Variants in GPR137B observed in about 807,000 individuals in gnomAD.
GPR137B encodes G protein-coupled receptor 137B.
Under a neutral mutation model 42.5 loss-of-function variants are expected in GPR137B, and 42 were observed. The ratio of observed to expected loss-of-function variants is 0.99; its 90% CI spans 0.77 to 1.28. The LOEUF is 1.28. Ranked by LOEUF, GPR137B falls within the 50% of genes most tolerant of loss-of-function variation. The pLI, the probability that GPR137B is intolerant of heterozygous loss-of-function variation, is 0.00. For missense variants in GPR137B, 487 were observed against 493.9 expected, an observed-to-expected ratio of 0.99 and a Z score of 0.13; for synonymous variants, 218 against 209.7, an observed-to-expected ratio of 1.04 and a Z score of -0.34.
chr1:236,207,941 G>C (rs1663709292), intron 6 of GPR137B, 109 bp from the exon 7 acceptor site: 6 of 726,966 alleles, frequency 8.3e-6, no homozygotes, highest in Non-Finnish European at 1.4e-5. Context: ...AAGAACTTTA[G>C]AGTTATCTAT....
intron 5 of GPR137B, among the ~76,000 whole-genome samples, chr1:236,193,070 T>G (rs1462358550): frequency 1.3e-5 from 2 of 151,710 alleles, no homozygotes; most frequent in Non-Finnish European, 2.9e-5. Context: ...AATTTTTGTA[T>G]TTTTAGTAGA....
In GPR137B at chr1:236,179,892, G is replaced by A. The variant is rs1185021411; in HGVS notation, c.701G>A (p.Cys234Tyr). 6.3e-7 allele frequency: 1 copy of A among 1,589,362 alleles called. No homozygotes were observed. Among genetic ancestry groups the A allele is most frequent in the East Asian group, 2.2e-5 (1 of 44,726 alleles). Residue 234 changes from cysteine to tyrosine, a missense_variant, in exon 4 of 7, where the codon TGT (cysteine) becomes TAT (tyrosine). By Grantham distance (194) the Cys-to-Tyr change is radical (BLOSUM62 -2). Coordinates refer to ENST00000366592, the MANE Select transcript of GPR137B (RefSeq NM_003272.4). ...CCTCTTTTCCAGGGCTCCTCCGTGT[G>A]TCAAGTGACTGCCATCGGTGTCACC... ...IYLESKGSSVCQVTAIGVTVI... is the reference protein window; with the variant it reads ...IYLESKGSSVYQVTAIGVTVI...
intron 3 of GPR137B, among the ~76,000 whole-genome samples, chr1:236,178,842 G>C (rs1662782173): frequency 1.1e-5 from 1 of 93,184 alleles, no homozygotes; most frequent in Non-Finnish European, 2.2e-5. Context: ...CTGTCTCCCA[G>C]GCTGGAGTGC....
At chr1:236,175,636 A>G (rs1662664791) in intron 2 of GPR137B, among the ~76,000 whole-genome samples, 1 of 152,128 alleles carries the variant, frequency 6.6e-6, no homozygotes, top group African/African-American at 2.4e-5. Context: ...CTCTCTCCAC[A>G]GCTCCTTTGG....
At chr1:236,154,724 GC>G (rs1475859369) in intron 1 of GPR137B, among the ~76,000 whole-genome samples, 1 of 152,012 alleles carries the variant, frequency 6.6e-6, no homozygotes, top group Non-Finnish European at 1.5e-5. Flanking sequence ...GTGAGGAGGG[GC>G]AAAAACAAAC....
chr1:236,143,282 T>C (rs929537654), intron 1 of GPR137B, among the ~76,000 whole-genome samples: 1 of 152,248 alleles, frequency 6.6e-6, no homozygotes, highest in Non-Finnish European at 1.5e-5. Flanking sequence ...CGCCGCTCAC[T>C]CGCTGCCCCT....
chr1:236,156,081 G>A lies in GPR137B; in HGVS notation c.415-12625G>A, dbSNP rs1197717198. On this transcript the variant is annotated intron_variant, in intron 1 of 6. Transcript: ENST00000366592. The surrounding 1 kb of genome is among the most constrained non-coding windows in gnomAD (Gnocchi z 4.8). ...CGGAGCTCTCAGGAGGGCTGGAGAAGGCTGCAAACACATCCAGGGAGCTCC... is the reference window on the plus strand; with the variant it reads ...CGGAGCTCTCAGGAGGGCTGGAGAAAGCTGCAAACACATCCAGGGAGCTCC... Among the ~76,000 whole-genome samples the A allele has an allele frequency of 6.6e-6, 1 of 152,222 alleles. No homozygotes were observed. The highest frequency in any genetic ancestry group is 2.4e-5 in the African/African-American group (1 of 41,466).
intron 1 of GPR137B, among the ~76,000 whole-genome samples, chr1:236,158,863 C>G (rs1162369680): frequency 6.6e-6 from 1 of 152,208 alleles, no homozygotes; most frequent in Non-Finnish European, 1.5e-5. Flanking sequence ...AAAATGGCTG[C>G]AGAGATTCTG....
Position 236,142,851 on chromosome 1 carries a change from T to C in GPR137B, c.229T>C (p.Tyr77His). The stretch of plus-strand genomic sequence containing the variant: ...GCGTTACCGCCACAAGCGGCTCAGC[T>C]ACCAGAGCGTCTTCCTCTTTCTCTG... ...VLRYRHKRLS[Y>H]QSVFLFLCLF... is the part of the protein sequence containing the mutation. The change falls in exon 1 of 7, where the codon TAC becomes CAC. Residue 77 changes from tyrosine to histidine, a missense_variant. Physicochemically the swap from Tyr to His is moderately conservative, Grantham distance 83 (BLOSUM62 2). Transcript: ENST00000366592. 6.2e-7 allele frequency: 1 copy of C among 1,614,194 alleles called. No homozygotes were observed. Among genetic ancestry groups the C allele is most frequent in the Non-Finnish European group, 8.5e-7 (1 of 1,180,000 alleles).
Position 236,164,520 on chromosome 1 carries a change from G to T in GPR137B, c.415-4186G>T, listed in dbSNP as rs74150308. On this transcript the variant is annotated intron_variant, in intron 1 of 6. Coordinates refer to ENST00000366592, the MANE Select transcript of GPR137B (RefSeq NM_003272.4). Reference sequence around the variant, plus strand: ...CAGAAATGGGCAGCCGGATATGAGAGCCCAGCCGGCCAGAGAGCCAGGGTG... The same window carrying T: ...CAGAAATGGGCAGCCGGATATGAGATCCCAGCCGGCCAGAGAGCCAGGGTG... 1.3e-3 allele frequency among the ~76,000 whole-genome samples: 199 copies of T among 152,318 alleles called. 1 individual carries two copies. Among genetic ancestry groups the T allele is most frequent in the African/African-American group, 4.7e-3 (194 of 41,578 alleles).
chr1:236,183,889 A>C lies in GPR137B; in HGVS notation c.949A>C (p.Asn317His), dbSNP rs147232381. ...AGTCGTTTATTTCTTCCGAGTTAGAAATCCTACAAAGGACCTTGTAAGTAA... is the reference window on the plus strand; with the variant it reads ...AGTCGTTTATTTCTTCCGAGTTAGACATCCTACAAAGGACCTTGTAAGTAA... ...TLVVYFFRVR[N>H]PTKDLTNPGM... Residue 317 changes from asparagine to histidine, a missense_variant, in exon 5 of 7, where the codon AAT (asparagine) becomes CAT (histidine). Coordinates refer to ENST00000366592, the MANE Select transcript of GPR137B (RefSeq NM_003272.4). 6.0e-4 allele frequency: 958 copies of C among 1,610,076 alleles called. 1 individual carries two copies. Among genetic ancestry groups the C allele is most frequent in the Non-Finnish European group, 7.5e-4 (883 of 1,176,620 alleles).
chr1:236,187,384 T>C (rs965841309), intron 5 of GPR137B, among the ~76,000 whole-genome samples: 1 of 152,216 alleles, frequency 6.6e-6, no homozygotes, highest in Non-Finnish European at 1.5e-5. Flanking sequence ...GCTTTTGGTG[T>C]TTTAGAATGA....
chr1:236,161,739 T>C (rs1332701163), intron 1 of GPR137B, among the ~76,000 whole-genome samples: 2 of 152,194 alleles, frequency 1.3e-5, no homozygotes, highest in African/African-American at 4.8e-5. Context: ...GGGTTTCTGC[T>C]TTTGCTTCCT....
intron 5 of GPR137B, among the ~76,000 whole-genome samples, chr1:236,192,287 A>G (rs2102920189): frequency 6.6e-6 from 1 of 152,182 alleles, no homozygotes; most frequent in African/African-American, 2.4e-5. Flanking sequence ...CTACCGAGCC[A>G]GACTACTTGG....
intron 1 of GPR137B, among the ~76,000 whole-genome samples, chr1:236,161,249 C>T (rs536823714): frequency 6.6e-5 from 10 of 152,212 alleles, no homozygotes; most frequent in Admixed American, 1.3e-4. Context: ...CCAATGCTCC[C>T]CCGAAGCTCT....
At chr1:236,200,576 G>T (rs150046616) in intron 5 of GPR137B, among the ~76,000 whole-genome samples, 5 of 152,044 alleles carry the variant, frequency 3.3e-5, no homozygotes, top group African/African-American at 1.2e-4. Flanking sequence ...CTGTTGGACT[G>T]ATCCTTTTAT....
chr1:236,180,695 C>A (rs185162541), intron 4 of GPR137B, among the ~76,000 whole-genome samples: 1 of 146,408 alleles, frequency 6.8e-6, no homozygotes. Context: ...AGTGCAATGG[C>A]GCGACCTGCC....
intron 2 of GPR137B, among the ~76,000 whole-genome samples, chr1:236,169,238 G>A (rs1041229728): frequency 6.8e-6 from 1 of 147,090 alleles, no homozygotes; most frequent in Non-Finnish European, 1.5e-5. Flanking sequence ...ACAGGTGCAG[G>A]TGCAGGTGCA....
chr1:236,191,017 T>C (rs1310607807), intron 5 of GPR137B, among the ~76,000 whole-genome samples: 1 of 152,158 alleles, frequency 6.6e-6, no homozygotes, highest in Non-Finnish European at 1.5e-5. Context: ...TAGTTCCATG[T>C]TTCTTGGAGG....
Sources: allele counts gnomAD v4.1 joint callset (sites outside exome capture counted in the v4.1 genomes callset), GRCh38; gene constraint gnomAD v4.1.1; non-coding constraint Gnocchi (gnomAD v3.1); transcripts MANE v1.5; gene names NCBI Gene and HGNC (gene_info 2026-07-23, HGNC 2026-07-21).